Variants in EYA3 observed in about 807,000 individuals in gnomAD.
EYA3 encodes the protein EYA transcriptional coactivator and phosphatase 3.
Under a neutral mutation model 80.0 loss-of-function variants are expected in EYA3, and 39 were observed. The observed-to-expected ratio is 0.49, with a 90% CI of 0.38 to 0.64. EYA3 has a LOEUF of 0.64. EYA3 is among the 30% of genes least tolerant of loss of function. EYA3 has a pLI of 0.00. For missense variants in EYA3, 523 were observed against 676.1 expected, an observed-to-expected ratio of 0.77 and a Z score of 2.51; for synonymous variants, 206 against 232.8, an observed-to-expected ratio of 0.88 and a Z score of 1.05.
intron 1 of EYA3, among the ~76,000 whole-genome samples, chr1:28,081,586 T>C (rs1232155139): frequency 6.6e-6 from 1 of 152,194 alleles, no homozygotes. Context: ...ATTATTCTTT[T>C]GGTAAAGAGA....
chr1:28,055,897 A>T (rs1644421445), intron 2 of EYA3, among the ~76,000 whole-genome samples: 1 of 152,220 alleles, frequency 6.6e-6, no homozygotes, highest in Admixed American at 6.5e-5. Flanking sequence ...GACCATCAGT[A>T]ACATCTCTAG....
intron 3 of EYA3, among the ~76,000 whole-genome samples, chr1:28,047,750 T>C (rs964289868): frequency 2.0e-5 from 3 of 151,444 alleles, no homozygotes; most frequent in Non-Finnish European, 4.4e-5. Context: ...ACCATTCTCC[T>C]GCCTCAGCCT....
chr1:28,073,135 T>A (rs1261607051), intron 1 of EYA3, among the ~76,000 whole-genome samples: 21 of 44,714 alleles, frequency 4.7e-4, no homozygotes, highest in African/African-American at 1.4e-3. Flanking sequence ...ATATTTTTTT[T>A]TTTTTTTTTT....
chr1:27,990,795 C>T (rs2148728329), intron 14 of EYA3, among the ~76,000 whole-genome samples: 1 of 151,844 alleles, frequency 6.6e-6, no homozygotes, highest in Non-Finnish European at 1.5e-5. Context: ...TCATGATCCA[C>T]CCACCTTGGC....
intron 1 of EYA3, among the ~76,000 whole-genome samples, chr1:28,084,570 TA>T (rs1645551077): frequency 1.9e-4 from 2 of 10,320 alleles, no homozygotes; most frequent in African/African-American, 3.7e-4. Context: ...TATATATATA[TA>T]TATATATATA....
rs1045996915 is a variant in EYA3, at chr1:28,009,389, C to T, written c.909+1558G>A. Among the ~76,000 whole-genome samples the T allele has an allele frequency of 1.2e-4, 18 of 152,076 alleles. No homozygotes were observed. Among genetic ancestry groups the T allele is most frequent in the South Asian group, 6.2e-4 (3 of 4,826 alleles). Reference sequence around the variant, plus strand: ...ATGGTAGGCAGGGCATGGTGGCTCACGTCTGTAATCCCAGCACTATGGGAG... The same window carrying T: ...ATGGTAGGCAGGGCATGGTGGCTCATGTCTGTAATCCCAGCACTATGGGAG... On this transcript the variant is annotated intron_variant, in intron 10 of 17. Coordinates refer to ENST00000373871, the MANE Select transcript of EYA3 (RefSeq NM_001990.4). The surrounding 1 kb of genome is among the most constrained non-coding windows in gnomAD (Gnocchi z 4.8).
rs752166567 is a variant in EYA3, at chr1:28,042,597, G to A, written c.131C>T (p.Ala44Val). 1 of 1,614,162 alleles carries A rather than the reference G, an allele frequency of 6.2e-7. No homozygotes were observed. Among genetic ancestry groups the A allele is most frequent in the Admixed American group, 1.7e-5 (1 of 60,024 alleles). The part of the protein sequence containing the change: ...SDQKPETSSL[A>V]SNLPMSEEIM... ...TTCCTCTGACATGGGAAGGTTTGAA[G>A]CAAGGCTTGATGTTTCAGGCTTCTG... The change falls in exon 4 of 18, where the codon GCT (alanine) becomes GTT (valine). Residue 44 changes from alanine (A) to valine (V), a missense_variant. By Grantham distance (64) the Ala-to-Val change is moderately conservative (BLOSUM62 0). Around this residue, in one of 2 missense-constraint regions of EYA3, gnomAD observed 304 missense variants for 343.3 expected, o/e 0.89. Coordinates refer to ENST00000373871, the MANE Select transcript of EYA3 (RefSeq NM_001990.4).
chr1:28,009,148 C>T lies in EYA3; in HGVS notation c.909+1799G>A, dbSNP rs1641508678. ...CAGCAATTCCACTCCTACATATATA[C>T]CAAAAAGAATTGATAAGATGAACTC... On this transcript the variant is annotated intron_variant, in intron 10 of 17. Coordinates refer to ENST00000373871, the MANE Select transcript of EYA3 (RefSeq NM_001990.4). This position sits in a 1 kb window ranked among gnomAD's most constrained non-coding sequence, Gnocchi z 4.8. 6.6e-6 allele frequency among the ~76,000 whole-genome samples: 1 copy of T among 152,046 alleles called. No individual in the cohort carries two copies.
At chr1:28,074,180 A>C (rs955666395) in intron 1 of EYA3, among the ~76,000 whole-genome samples, 1 of 152,188 alleles carries the variant, frequency 6.6e-6, no homozygotes, top group Admixed American at 6.5e-5. Context: ...AAATTGTATA[A>C]ATTCTTATTT....
intron 10 of EYA3, among the ~76,000 whole-genome samples, chr1:28,010,440 G>T (rs982112008): frequency 2.6e-5 from 4 of 152,012 alleles, no homozygotes; most frequent in Admixed American, 6.6e-5. Flanking sequence ...GCCCTGGCTG[G>T]AGTGCAGTGG....
rs556896337 is a variant in EYA3 at position 28,004,555 on chromosome 1, C to T, written c.910-136G>A. Reference sequence around the variant, plus strand: ...ACAATACAATCCTAAACAACCAATGCGTCAAAGAAGAAATCATAAGTGAAA... The same window carrying T: ...ACAATACAATCCTAAACAACCAATGTGTCAAAGAAGAAATCATAAGTGAAA... On this transcript the variant is annotated intron_variant, in intron 10 of 17. Transcript: ENST00000373871. 2.5e-5 allele frequency: 14 copies of T among 552,388 alleles called. No individual in the cohort carries two copies. In the Admixed American group the frequency reaches 3.7e-4, roughly 14 times the overall value. The allele number at this position is 552,388 out of a possible 1,614,324, so 34.2% of individuals were successfully genotyped here. A position where few individuals can be genotyped will look rare whatever the true frequency, so the allele number is the denominator to read the frequency against.
At chr1:28,038,180 C>T (rs1276946571) in intron 5 of EYA3, among the ~76,000 whole-genome samples, 2 of 152,074 alleles carry the variant, frequency 1.3e-5, no homozygotes, top group African/African-American at 4.8e-5. Flanking sequence ...TGATGGCTCA[C>T]GACTGTAATC....
chr1:28,084,597 T>TATA (rs1557659989), intron 1 of EYA3, among the ~76,000 whole-genome samples: 13 of 15,646 alleles, frequency 8.3e-4, no homozygotes, highest in South Asian at 3.3e-3. Context: ...ATATATATAT[T>TATA]TTTTTTTTTT....
intron 13 of EYA3, among the ~76,000 whole-genome samples, chr1:27,995,445 A>G (rs528883414): frequency 2.0e-5 from 3 of 149,996 alleles, no homozygotes; most frequent in Non-Finnish European, 4.4e-5. Flanking sequence ...AAAAAAAGAC[A>G]ATGAGTACAA....
Position 27,993,553 on chromosome 1 carries a change from T to C in EYA3, c.1150A>G (p.Ser384Gly). The C allele has an allele frequency of 6.3e-7, 1 of 1,581,864 alleles. No individual in the cohort carries two copies. Among genetic ancestry groups the C allele is most frequent in the East Asian group, 2.3e-5 (1 of 44,248 alleles). The change falls in exon 14 of 18, where the codon AGT becomes GGT. Residue 384 changes from serine (S) to glycine (G), a missense_variant. This residue lies in a region of EYA3 where 219 missense variants were observed against 332.8 expected (regional missense o/e 0.66). Transcript: ENST00000373871. ...DDNGQDLSNY[S>G]FSTDGFSGSG... ...CCACTGAAACCATCTGTTGAGAAAC[T>C]GTAGTTGCTGCAAGGAGAGAAGATA...
chr1:28,009,666 C>A lies in EYA3; in HGVS notation c.909+1281G>T, dbSNP rs199696398. The stretch of plus-strand genomic sequence containing the variant: ...ACAACAACAACAACAACAACAACAA[C>A]AAAAAACCATTATGGTAAATGAAAT... On this transcript the variant is annotated intron_variant, in intron 10 of 17. Coordinates refer to ENST00000373871, the MANE Select transcript of EYA3 (RefSeq NM_001990.4). The surrounding 1 kb of genome is among the most constrained non-coding windows in gnomAD (Gnocchi z 4.8). Among the ~76,000 whole-genome samples, 41 of 152,058 alleles carry A rather than the reference C, an allele frequency of 2.7e-4. No individual in the cohort carries two copies. Among genetic ancestry groups the A allele is most frequent in the African/African-American group, 5.5e-4 (23 of 41,504 alleles).
At chr1:27,980,749 T>C (rs1639246496) in intron 16 of EYA3, among the ~76,000 whole-genome samples, 1 of 152,202 alleles carries the variant, frequency 6.6e-6, no homozygotes, top group South Asian at 2.1e-4. Context: ...TCTATTAAAA[T>C]ATTTCTAGCC....
chr1:28,072,883 G>A (rs898523088), intron 1 of EYA3, among the ~76,000 whole-genome samples: 2 of 151,420 alleles, frequency 1.3e-5, no homozygotes, highest in Non-Finnish European at 2.9e-5. Flanking sequence ...CCCATACAAT[G>A]GAATACTGTA....
intron 16 of EYA3, among the ~76,000 whole-genome samples, chr1:27,985,411 G>T (rs1639585888): frequency 6.6e-6 from 1 of 151,988 alleles, no homozygotes; most frequent in Non-Finnish European, 1.5e-5. Context: ...AACAACATTA[G>T]AAGGAGTTGA....
Sources: allele counts gnomAD v4.1 joint callset (sites outside exome capture counted in the v4.1 genomes callset), GRCh38; gene constraint gnomAD v4.1.1; regional missense constraint gnomAD v4.1.1; non-coding constraint Gnocchi (gnomAD v3.1); transcripts MANE v1.5; gene names NCBI Gene and HGNC (gene_info 2026-07-23, HGNC 2026-07-21).